Variants in STARD13 observed in about 807,000 individuals in gnomAD.
The protein encoded by STARD13 is StAR related lipid transfer domain containing 13.
A neutral mutation model predicts 106.4 loss-of-function variants in STARD13; 62 were observed. That is an observed-to-expected ratio of 0.58 (90% CI 0.48 to 0.72). The LOEUF is 0.72. Among genes scored for constraint, STARD13 ranks in the 30% least tolerant of loss-of-function variants. The pLI is 0.00. For missense variants in STARD13, 1,387 were observed against 1,424.0 expected (o/e 0.97, Z 0.42); for synonymous variants, 565 against 553.0 (o/e 1.02, Z -0.31).
At chr13:33,414,032 C>CAA in the STARD13 span, among the ~76,000 whole-genome samples, 18 of 48,130 alleles carry the variant, frequency 3.7e-4, no homozygotes, top group East Asian at 2.2e-3. Context: ...GATTCCCTCT[C>CAA]AAAAAAAAAA....
chr13:33,242,738 A>G (rs1178489403), intron 1 of STARD13, among the ~76,000 whole-genome samples: 2 of 151,974 alleles, frequency 1.3e-5, no homozygotes, highest in African/African-American at 2.4e-5. Flanking sequence ...ACACCCAAGA[A>G]TGATCAGTAA....
At chr13:33,113,355 G>A (rs935469669) in intron 8 of STARD13, among the ~76,000 whole-genome samples, 1 of 152,172 alleles carries the variant, frequency 6.6e-6, no homozygotes, top group Non-Finnish European at 1.5e-5. Flanking sequence ...GGATGCCCAA[G>A]GCTCCGTGGG....
At chr13:33,331,838 T>A (rs7326348) in intron 1 of STARD13, among the ~76,000 whole-genome samples, 28,220 of 152,124 alleles carry the variant, frequency 0.19, 2,944 homozygotes, top group Non-Finnish European at 0.22. Context: ...TTCTCCCATT[T>A]GCATAAAAAA....
chr13:33,592,609 T>C, the STARD13 span, among the ~76,000 whole-genome samples: 1 of 152,128 alleles, frequency 6.6e-6, no homozygotes, highest in Non-Finnish European at 1.5e-5. Context: ...AAGTTCCCTT[T>C]TGAGGACTTT....
chr13:33,655,177 G>A, the STARD13 span, among the ~76,000 whole-genome samples: 2 of 152,202 alleles, frequency 1.3e-5, no homozygotes, highest in African/African-American at 4.8e-5. Context: ...TTAGTGAGAG[G>A]TTAACTCTAA....
chr13:33,670,394 G>A, the STARD13 span, among the ~76,000 whole-genome samples: 4 of 152,130 alleles, frequency 2.6e-5, no homozygotes, highest in Admixed American at 6.5e-5. Flanking sequence ...ACCAAAGATC[G>A]CGTTGCATTT....
the STARD13 span, among the ~76,000 whole-genome samples, chr13:33,650,765 C>T: frequency 6.6e-6 from 1 of 152,238 alleles, no homozygotes; most frequent in African/African-American, 2.4e-5. Flanking sequence ...GGTGATTACG[C>T]CACAAGGGCT....
chr13:33,456,222 C>G, the STARD13 span, among the ~76,000 whole-genome samples: 2 of 152,118 alleles, frequency 1.3e-5, no homozygotes, highest in Non-Finnish European at 2.9e-5. Flanking sequence ...TGGAGTCTCA[C>G]TCTGTTGTCC....
At chr13:33,459,673 A>T in the STARD13 span, among the ~76,000 whole-genome samples, 10 of 152,288 alleles carry the variant, frequency 6.6e-5, no homozygotes, top group South Asian at 1.7e-3. Flanking sequence ...AGCTGTGCAG[A>T]TTCGTGCTTC....
At chr13:33,112,672 G>A (rs751100889) in intron 9 of STARD13, 49 bp downstream of exon 9, 18 of 1,434,252 alleles carry the variant, frequency 1.3e-5, no homozygotes. Context: ...TATGAACTGT[G>A]GGAATGCCTG....
At chr13:33,225,040 TA>T (rs952288085) in intron 1 of STARD13, among the ~76,000 whole-genome samples, 12 of 151,378 alleles carry the variant, frequency 7.9e-5, no homozygotes, top group East Asian at 1.9e-4. Flanking sequence ...TATCTGAACT[TA>T]AAAAAAAATA....
At chr13:33,643,499 A>T in the STARD13 span, among the ~76,000 whole-genome samples, 4 of 152,256 alleles carry the variant, frequency 2.6e-5, no homozygotes, top group East Asian at 3.8e-4. Flanking sequence ...GTCAGGGCTG[A>T]GTCAACCAGA....
chr13:33,449,663 A>G, the STARD13 span, among the ~76,000 whole-genome samples: 3 of 152,200 alleles, frequency 2.0e-5, no homozygotes, highest in Non-Finnish European at 4.4e-5. Flanking sequence ...TTTGTTAGCA[A>G]TTGCATTGAA....
the STARD13 span, among the ~76,000 whole-genome samples, chr13:33,413,477 G>A: frequency 6.6e-6 from 1 of 152,066 alleles, no homozygotes; most frequent in Non-Finnish European, 1.5e-5. Flanking sequence ...CAAAGAGTTG[G>A]TTCTTTAAAA....
At chr13:33,495,971 AATT>A in the STARD13 span, among the ~76,000 whole-genome samples, 10 of 142,350 alleles carry the variant, frequency 7.0e-5, no homozygotes, top group African/African-American at 1.0e-4. Context: ...GTTAATATAT[AATT>A]ATTATAATAG....
the STARD13 span, among the ~76,000 whole-genome samples, chr13:33,525,553 G>A: frequency 6.6e-5 from 10 of 152,142 alleles, no homozygotes; most frequent in South Asian, 1.9e-3. Context: ...TACAATAAAA[G>A]TTCTTTTCAA....
chr13:33,487,906 C>T, the STARD13 span, among the ~76,000 whole-genome samples: 2 of 152,198 alleles, frequency 1.3e-5, no homozygotes, highest in African/African-American at 4.8e-5. Context: ...TCTCTGTGAC[C>T]TCTTGCTCAG....
chr13:33,531,221 T>C, the STARD13 span, among the ~76,000 whole-genome samples: 1 of 152,338 alleles, frequency 6.6e-6, no homozygotes, highest in East Asian at 1.9e-4. Flanking sequence ...CCAGGTGGAA[T>C]TGTGAACCCA....
At chr13:33,658,641 T>C in the STARD13 span, among the ~76,000 whole-genome samples, 4 of 152,224 alleles carry the variant, frequency 2.6e-5, no homozygotes, top group East Asian at 7.7e-4. Context: ...GACTGTGATA[T>C]TGCAAAATAT....
Sources: allele counts gnomAD v4.1 joint callset (sites outside exome capture counted in the v4.1 genomes callset), GRCh38; gene constraint gnomAD v4.1.1; transcripts MANE v1.5; gene names NCBI Gene and HGNC (gene_info 2026-07-23, HGNC 2026-07-21).